Variants in PHLDB2 observed in about 807,000 individuals in gnomAD.
The protein encoded by PHLDB2 is pleckstrin homology-like domain family B member 2.
PHLDB2 carries 71 observed loss-of-function variants against 123.6 expected under a neutral mutation model. The ratio of observed to expected loss-of-function variants is 0.57; its 90% CI spans 0.47 to 0.70. The LOEUF (loss-of-function observed/expected upper bound fraction) is 0.70, where lower values mean the gene tolerates loss of function less well. PHLDB2 is among the 30% of genes least tolerant of loss of function. The pLI, the probability that PHLDB2 is intolerant of heterozygous loss-of-function variation, is 0.00. For synonymous variants in PHLDB2, 547 were observed against 541.6 expected (o/e 1.01, Z -0.14); for missense variants, 1,446 against 1,519.5 (o/e 0.95, Z 0.80).
chr3:111,758,083 C>T (rs1005659527), intron 1 of PHLDB2, among the ~76,000 whole-genome samples: 3 of 152,112 alleles, frequency 2.0e-5, no homozygotes, highest in African/African-American at 7.2e-5. Context: ...GCAGTCTGCC[C>T]GTTCTCAGAT....
upstream of PHLDB2, among the ~76,000 whole-genome samples, chr3:111,855,404 TCTTC>T (rs148886147): frequency 0.15 from 22,103 of 151,302 alleles, 1,813 homozygotes; most frequent in South Asian, 0.28. Flanking sequence ...ACTCTCTCTT[TCTTC>T]CTTCCTTCCT....
chr3:111,756,787 C>T (rs1339219845), intron 1 of PHLDB2, among the ~76,000 whole-genome samples: 4 of 152,146 alleles, frequency 2.6e-5, no homozygotes, highest in African/African-American at 7.2e-5. Flanking sequence ...TGGCTGGTAC[C>T]TGTTGTTCCT....
chr3:111,904,291 G>A (rs1460420855), intron 2 of PHLDB2, among the ~76,000 whole-genome samples: 1 of 45,066 alleles, frequency 2.2e-5, no homozygotes, highest in Non-Finnish European at 5.1e-5. Flanking sequence ...AAAAAAAAAG[G>A]CCAAGGGTTC....
intron 1 of PHLDB2, among the ~76,000 whole-genome samples, chr3:111,801,638 A>G (rs2061382670): frequency 6.6e-6 from 1 of 152,218 alleles, no homozygotes; most frequent in Admixed American, 6.5e-5. Flanking sequence ...ACAATAAGCT[A>G]CAATTGAGTA....
At chr3:111,956,389 C>T (rs1178460499) in intron 12 of PHLDB2, among the ~76,000 whole-genome samples, 1 of 152,142 alleles carries the variant, frequency 6.6e-6, no homozygotes, top group African/African-American at 2.4e-5. Flanking sequence ...TAATGGGAAT[C>T]CCATGCCAGT....
At position 111,969,801 on chromosome 3, in the gene PHLDB2, G is replaced by C. The variant is rs774341936; in HGVS notation, c.3427G>C (p.Glu1143Gln). ...CACCTGTTACCATGTATCAATCACAGAGAAGACCTGCCGAGGATTCCTCAT... is the reference window on the plus strand; with the variant it reads ...CACCTGTTACCATGTATCAATCACACAGAAGACCTGCCGAGGATTCCTCAT... ...IDTCYHVSIT[E>Q]KTCRGFLIKM... is the part of the protein sequence containing the mutation. Residue 1143 changes from glutamate to glutamine, a missense_variant, in exon 16 of 18, where the codon GAG becomes CAG. By Grantham distance (29) the Glu-to-Gln change is conservative (BLOSUM62 2). Transcript: ENST00000431670. The C allele has an allele frequency of 6.2e-7, 1 of 1,614,050 alleles. No individual in the cohort carries two copies. The highest frequency in any genetic ancestry group is 8.5e-7 in the Non-Finnish European group (1 of 1,179,940).
At chr3:111,961,255 C>A (rs1314890853) in intron 12 of PHLDB2, among the ~76,000 whole-genome samples, 1 of 152,166 alleles carries the variant, frequency 6.6e-6, no homozygotes, top group Non-Finnish European at 1.5e-5. Context: ...TGCTTGAACC[C>A]AGGAGGTGGA....
At chr3:111,761,516 G>T (rs2059993972) in intron 1 of PHLDB2, among the ~76,000 whole-genome samples, 1 of 152,216 alleles carries the variant, frequency 6.6e-6, no homozygotes, top group African/African-American at 2.4e-5. Flanking sequence ...AGAAGAGAAT[G>T]ACTAGGGAGA....
intron 1 of PHLDB2, among the ~76,000 whole-genome samples, chr3:111,835,481 T>C (rs948262106): frequency 6.6e-6 from 1 of 152,216 alleles, no homozygotes; most frequent in Non-Finnish European, 1.5e-5. Flanking sequence ...CTATACTTTA[T>C]GCCATGTGAC....
intron 2 of PHLDB2, among the ~76,000 whole-genome samples, chr3:111,902,914 C>T (rs963571897): frequency 1.3e-5 from 2 of 152,160 alleles, no homozygotes; most frequent in East Asian, 1.9e-4. Context: ...CTGGGATTAT[C>T]GGTGTGAGCC....
intron 12 of PHLDB2, among the ~76,000 whole-genome samples, chr3:111,956,803 G>A (rs914156715): frequency 6.6e-6 from 1 of 152,132 alleles, no homozygotes; most frequent in African/African-American, 2.4e-5. Context: ...AAAAAACCCA[G>A]GAGGGATGGA....
chr3:111,900,130 C>G (rs2067106414), intron 2 of PHLDB2, among the ~76,000 whole-genome samples: 2 of 152,196 alleles, frequency 1.3e-5, no homozygotes, highest in African/African-American at 4.8e-5. Context: ...GAGTTAGGGC[C>G]TTGCTCTGGA....
At chr3:111,790,189 ATC>A (rs2060856105) in intron 1 of PHLDB2, among the ~76,000 whole-genome samples, 1 of 152,138 alleles carries the variant, frequency 6.6e-6, no homozygotes, top group African/African-American at 2.4e-5. Flanking sequence ...AACCCTGAAA[ATC>A]TCATAGCATA....
intron 6 of PHLDB2, among the ~76,000 whole-genome samples, chr3:111,934,978 A>T (rs1221930998): frequency 6.6e-6 from 1 of 152,142 alleles, no homozygotes; most frequent in African/African-American, 2.4e-5. Context: ...CAAGACCAAA[A>T]TCAAACTTTT....
chr3:111,830,950 A>G (rs199551404), intron 1 of PHLDB2, among the ~76,000 whole-genome samples: 6,189 of 99,838 alleles, frequency 0.062, 424 homozygotes, highest in African/African-American at 0.077. Context: ...AAGGAAAGAA[A>G]GAAAGAGAAA....
At position 111,962,114 on chromosome 3, in the gene PHLDB2, A is replaced by G. The variant is rs374054688; in HGVS notation, c.2879A>G (p.Asn960Ser). The change falls in exon 13 of 18, where the codon AAT becomes AGT. Residue 960 changes from asparagine (N) to serine (S), a missense_variant. Physicochemically the swap from Asn to Ser is conservative, Grantham distance 46. Around this residue, in one of 3 missense-constraint regions of PHLDB2, gnomAD observed 594 missense variants for 646.0 expected, o/e 0.92. Coordinates refer to ENST00000431670, the MANE Select transcript of PHLDB2 (RefSeq NM_001134438.2). ...SESRRMLRGY[N>S]HQQMSEGHRQ... Reference sequence around the variant, plus strand: ...TTTATGGCTCCTTCCTTAGGTTATAATCACCAACAGATGAGTGAAGGACAC... The same window carrying G: ...TTTATGGCTCCTTCCTTAGGTTATAGTCACCAACAGATGAGTGAAGGACAC... 2.3e-5 allele frequency: 37 copies of G among 1,577,842 alleles called. No homozygotes were observed. The African/African-American group carries it at 4.7e-4, about 20-fold the overall frequency.
rs774982932 is a variant in PHLDB2 at position 111,949,037 on chromosome 3, G to A, written c.2593G>A (p.Ala865Thr). ...TGCTGATGCTGTTGCCACTGAGCCT[G>A]CCACAGCTGTGCTGGCGAGCCAGCC... ...ADADAVATEPATAVLASQPQS... is the reference protein window; with the variant it reads ...ADADAVATEPTTAVLASQPQS... The change falls in exon 10 of 18, where the codon GCC becomes ACC. Residue 865 changes from alanine to threonine, a missense_variant. By Grantham distance (58) the Ala-to-Thr change is moderately conservative (BLOSUM62 0). Coordinates refer to ENST00000431670, the MANE Select transcript of PHLDB2 (RefSeq NM_001134438.2). 5 of 1,613,688 alleles carry A rather than the reference G, an allele frequency of 3.1e-6. No individual in the cohort carries two copies. Among genetic ancestry groups the A allele is most frequent in the Admixed American group, 3.3e-5 (2 of 59,976 alleles).
At chr3:111,898,759 C>G (rs2067023271) in intron 2 of PHLDB2, among the ~76,000 whole-genome samples, 1 of 152,176 alleles carries the variant, frequency 6.6e-6, no homozygotes, top group Non-Finnish European at 1.5e-5. Context: ...TTCACTCATC[C>G]ATATGAAGCA....
At chr3:111,876,571 T>A (rs1202460195) in intron 1 of PHLDB2, among the ~76,000 whole-genome samples, 1 of 152,194 alleles carries the variant, frequency 6.6e-6, no homozygotes, top group Non-Finnish European at 1.5e-5. Context: ...AAAATGTATT[T>A]ACTTTTTTTT....
Sources: allele counts gnomAD v4.1 joint callset (sites outside exome capture counted in the v4.1 genomes callset), GRCh38; gene constraint gnomAD v4.1.1; regional missense constraint gnomAD v4.1.1; transcripts MANE v1.5; gene names NCBI Gene and HGNC (gene_info 2026-07-23, HGNC 2026-07-21).